Variants in USP6 observed in about 807,000 individuals in gnomAD.
The protein encoded by USP6 is ubiquitin carboxyl-terminal hydrolase 6.
USP6 carries 128 observed loss-of-function variants against 175.7 expected under a neutral mutation model. The ratio of observed to expected loss-of-function variants is 0.73; its 90% confidence interval spans 0.63 to 0.84. The LOEUF is 0.84. Ranked by LOEUF, USP6 falls within the 40% of genes least tolerant of loss-of-function variation. USP6 has a pLI of 0.00. For synonymous variants in USP6, 562 were observed against 630.6 expected (o/e 0.89, Z 1.63); for missense variants, 1,498 against 1,760.3 (o/e 0.85, Z 2.67).
intron 4 of USP6, chr17:5,122,842 T>A (rs1345070826): frequency 2.0e-5 from 3 of 152,256 alleles, no homozygotes; most frequent in Non-Finnish European, 4.4e-5. Context: ...CTTAGAGGTC[T>A]GTGGCCCCGC....
intron 30 of USP6, among the ~76,000 whole-genome samples, chr17:5,150,189 G>T (rs2073724531): frequency 1.3e-5 from 2 of 152,004 alleles, no homozygotes; most frequent in Admixed American, 6.6e-5. Context: ...CTACTCAGGA[G>T]GCTGAGGCAG....
intron 22 of USP6, among the ~76,000 whole-genome samples, chr17:5,140,690 C>G (rs1440392158): frequency 6.6e-6 from 1 of 152,210 alleles, no homozygotes; most frequent in East Asian, 1.9e-4. Context: ...CTTCTCATAC[C>G]TGTCCTAAGA....
chr17:5,141,182 A>G lies in USP6; in HGVS notation c.1499-243A>G, dbSNP rs576533963. Among the ~76,000 whole-genome samples, 15 of 152,348 alleles carry G rather than the reference A, an allele frequency of 9.8e-5. No individual in the cohort carries two copies. In the South Asian group the frequency reaches 2.9e-3, roughly 29 times the overall value. Reference sequence around the variant, plus strand: ...GTTTGTAGCCAAGGAGCAACAGCCTATACCATACATAGCCTAGGTTTGTGT... The same window carrying G: ...GTTTGTAGCCAAGGAGCAACAGCCTGTACCATACATAGCCTAGGTTTGTGT... On this transcript the variant is annotated intron_variant, in intron 22 of 37. Coordinates refer to ENST00000574788, the MANE Select transcript of USP6 (RefSeq NM_001304284.2).
rs1418200255 is a variant in USP6, at chr17:5,168,137, C to T, written c.3228+14C>T. On this transcript the variant is annotated intron_variant, in intron 34 of 37. Transcript: ENST00000574788. ...CCACCCTTCCTGGTATGTTACGGTC[C>T]TGCCTCTGAGAGAGCAGGAATCTAG... The T allele has an allele frequency of 6.3e-7, 1 of 1,587,344 alleles. No homozygotes were observed. The highest frequency in any genetic ancestry group is 2.3e-5 in the East Asian group (1 of 44,400).
At chr17:5,156,886 C>T (rs2073896706) in intron 31 of USP6, among the ~76,000 whole-genome samples, 1 of 151,664 alleles carries the variant, frequency 6.6e-6, no homozygotes, top group Non-Finnish European at 1.5e-5. Context: ...CTCGCAACCA[C>T]ACCCAGCTAA....
intron 18 of USP6, 34 bp from the exon 19 acceptor site, chr17:5,137,087 A>G: frequency 6.2e-7 from 1 of 1,611,308 alleles, no homozygotes; most frequent in African/African-American, 1.3e-5. Flanking sequence ...AGGGCAGCCC[A>G]GGGGGCCCTG....
Position 5,145,519 on chromosome 17 carries a change from C to G in USP6, c.2107C>G (p.Pro703Ala). The G allele has an allele frequency of 1.2e-6, 2 of 1,611,510 alleles. No individual in the cohort carries two copies. Among genetic ancestry groups the G allele is most frequent in the Non-Finnish European group, 1.7e-6 (2 of 1,178,954 alleles). The change falls in exon 27 of 38, where the codon CCT (proline) becomes GCT (alanine). Residue 703 changes from proline to alanine, a missense_variant. Physicochemically the swap from Pro to Ala is conservative, Grantham distance 27. Around this residue, in one of 2 missense-constraint regions of USP6, gnomAD observed 1,217 missense variants for 1,500.8 expected, o/e 0.81. Coordinates refer to ENST00000574788, the MANE Select transcript of USP6 (RefSeq NM_001304284.2). ...TCGHISVRFD[P>A]FNFLSLPLPM... The stretch of plus-strand genomic sequence containing the variant: ...TGGGCATATAAGTGTCCGATTTGAC[C>G]CTTTCAATTTTTTGTCTTTGCCACT...
chr17:5,166,420 T>C (rs1392119445), intron 33 of USP6, among the ~76,000 whole-genome samples: 1 of 152,088 alleles, frequency 6.6e-6, no homozygotes, highest in Non-Finnish European at 1.5e-5. Flanking sequence ...TGAAAACCCA[T>C]GCTAAGCTGA....
chr17:5,138,959 GC>G (rs776422580), intron 21 of USP6: 221 of 1,434,558 alleles, frequency 1.5e-4, no homozygotes, highest in Non-Finnish European at 2.0e-4. Flanking sequence ...CTGATGGGGG[GC>G]CATATCCCAG....
rs546167650 is a variant in USP6 at position 5,171,915 on chromosome 17, C to T, written c.4047+236C>T. On this transcript the variant is annotated intron_variant, in intron 37 of 37. Transcript: ENST00000574788. ...GCGCAGTGGCTCATGCCTGTAATCC[C>T]AGCACTTTGGGAGGCTGAGGCAGGC... Among the ~76,000 whole-genome samples the T allele has an allele frequency of 2.8e-4, 42 of 152,294 alleles. 1 individual carries two copies. Among genetic ancestry groups the T allele is most frequent in the African/African-American group, 9.6e-4 (40 of 41,548 alleles).
Position 5,137,770 on chromosome 17 carries a change from G to C in USP6, c.925+20G>C, listed in dbSNP as rs771033692. On this transcript the variant is annotated intron_variant, in intron 20 of 37. Transcript: ENST00000574788. ...AGCAGAGTAAGTCTACGTGTGCCCA[G>C]TGGGGCCTGGGGAGCCCTGCAGTCA... is the stretch of plus-strand genomic sequence containing the variant. 1.2e-6 allele frequency: 2 copies of C among 1,606,010 alleles called. No individual in the cohort carries two copies. The highest frequency in any genetic ancestry group is 1.7e-6 in the Non-Finnish European group (2 of 1,175,764).
intron 29 of USP6, among the ~76,000 whole-genome samples, chr17:5,148,043 G>A (rs1358611796): frequency 1.3e-5 from 2 of 152,098 alleles, no homozygotes; most frequent in Admixed American, 6.5e-5. Context: ...ACCATGCCCA[G>A]CTATGGTGTA....
In USP6 at chr17:5,139,321, G is replaced by A. The variant is rs1342478758; in HGVS notation, c.1145G>A (p.Cys382Tyr). 1 of 1,611,152 alleles carries A rather than the reference G, an allele frequency of 6.2e-7. No homozygotes were observed. The highest frequency in any genetic ancestry group is 1.7e-5 in the Admixed American group (1 of 60,028). Residue 382 changes from cysteine (C) to tyrosine (Y), a missense_variant, in exon 22 of 38, where the codon TGC (cysteine) becomes TAC (tyrosine). Cys to Tyr is a radical substitution (Grantham distance 194, BLOSUM62 -2). Transcript: ENST00000574788. The stretch of plus-strand genomic sequence containing the variant: ...GCTTCACGTGGTGGGAAGACCCTCT[G>A]CAAGGGGTATAGGCAGGCCCCTCCA... ...VPASRGGKTLCKGYRQAPPGP... is the reference protein window; with the variant it reads ...VPASRGGKTLYKGYRQAPPGP...
intron 22 of USP6, 35 bp from the exon 23 acceptor site, chr17:5,141,390 A>T (rs2073441784): frequency 1.3e-6 from 2 of 1,560,512 alleles, no homozygotes; most frequent in East Asian, 4.5e-5. Context: ...AATTAGACAG[A>T]TAAGAAATTA....
In USP6 at chr17:5,125,104, T is replaced by A. The variant is rs1220820398; in HGVS notation, c.-760T>A. On this transcript the variant is annotated 5_prime_UTR_variant, in exon 5 of 38. Transcript: ENST00000574788. ...TGTCAGATGAGCGGTGCCGTTAGAT[T>A]CTCACAGAAGCATGAACCCTACTGT... 1 of 152,148 alleles carries A rather than the reference T, an allele frequency of 6.6e-6. No homozygotes were observed. Among genetic ancestry groups the A allele is most frequent in the African/African-American group, 2.4e-5 (1 of 41,394 alleles). 9.4% of individuals were successfully genotyped at this position (152,148 alleles called of 1,614,324 possible). A position where few individuals can be genotyped will look rare whatever the true frequency, so the allele number is the denominator to read the frequency against.
chr17:5,158,757 AAATGCTAC>A (rs2073948862), intron 31 of USP6, among the ~76,000 whole-genome samples: 1 of 152,060 alleles, frequency 6.6e-6, no homozygotes, highest in Non-Finnish European at 1.5e-5. Flanking sequence ...TAGTTGTTTC[AAATGCTAC>A]AGAGGACTGG....
At chr17:5,123,110 C>G (rs1221795321) in intron 4 of USP6, 1 of 153,418 alleles carries the variant, frequency 6.5e-6, no homozygotes, top group South Asian at 1.8e-4. Flanking sequence ...TCGTCGCGGG[C>G]GCCGTCAGAG....
intron 37 of USP6, among the ~76,000 whole-genome samples, chr17:5,172,372 C>A (rs1239296918): frequency 6.7e-5 from 10 of 150,156 alleles, no homozygotes; most frequent in South Asian, 2.1e-4. Context: ...TCTACTAAAA[C>A]TACAAAAAAT....
intron 36 of USP6, among the ~76,000 whole-genome samples, chr17:5,171,308 C>T (rs1442608214): frequency 6.6e-6 from 1 of 151,884 alleles, no homozygotes; most frequent in African/African-American, 2.4e-5. Flanking sequence ...CGACTGCACC[C>T]CAGCCTGGGT....
Sources: allele counts gnomAD v4.1 joint callset (sites outside exome capture counted in the v4.1 genomes callset), GRCh38; gene constraint gnomAD v4.1.1; regional missense constraint gnomAD v4.1.1; transcripts MANE v1.5; gene names NCBI Gene and HGNC (gene_info 2026-07-23, HGNC 2026-07-21).